The following CORO7 variants were observed in gnomAD, a reference collection of about 807,000 sequenced individuals.
CORO7 encodes coronin-7.
In CORO7, 107 loss-of-function variants were observed where a neutral mutation model predicts 126.6. The observed-to-expected ratio is 0.85, with a 90% CI of 0.72 to 0.99. The LOEUF (loss-of-function observed/expected upper bound fraction) is 0.99, where lower values mean the gene tolerates loss of function less well. Ranked by LOEUF, CORO7 falls within the 50% of genes least tolerant of loss-of-function variation. The pLI is 0.00. For missense variants in CORO7, 1,314 were observed against 1,255.8 expected (o/e 1.05, Z -0.70); for synonymous variants, 603 against 536.8 (o/e 1.12, Z -1.70).
chr16:4,373,368 G>A lies in CORO7; in HGVS notation c.786-7823C>T, dbSNP rs552819108. ...CACTGCCTGTCCCCACCCCGCCCCT[G>A]TCTCCTGCACGTTGGAACAGCTGTC... On this transcript the variant is annotated intron_variant, in intron 9 of 27. Coordinates refer to ENST00000251166, the MANE Select transcript of CORO7 (RefSeq NM_024535.5). Among the ~76,000 whole-genome samples, 503 of 152,226 alleles carry A rather than the reference G, an allele frequency of 3.3e-3. 2 individuals are homozygous for A. Among genetic ancestry groups the A allele is most frequent in the Middle Eastern group, 0.031 (9 of 294 alleles).
In CORO7 at chr16:4,362,296, A is replaced by T; in HGVS notation, c.1403-136T>A. On this transcript the variant is annotated intron_variant, in intron 15 of 27. Transcript: ENST00000251166. The surrounding 1 kb of genome is among the most constrained non-coding windows in gnomAD (Gnocchi z 5.3). Reference sequence around the variant, plus strand: ...TGGACCTAGGCCCAGGCCTTTGCTAATCCAGTGGATGCAACTCGCCCAGGA... The same window carrying T: ...TGGACCTAGGCCCAGGCCTTTGCTATTCCAGTGGATGCAACTCGCCCAGGA... 1 of 1,269,686 alleles carries T rather than the reference A, an allele frequency of 7.9e-7. No individual in the cohort carries two copies. Among genetic ancestry groups the T allele is most frequent in the Non-Finnish European group, 1.1e-6 (1 of 939,174 alleles). The allele number at this position is 1,269,686 out of a possible 1,614,324, so 78.7% of individuals were successfully genotyped here. A position where few individuals can be genotyped will look rare whatever the true frequency, so the allele number is the denominator to read the frequency against.
chr16:4,361,492 G>A (rs1485113544), intron 16 of CORO7, 23 bp from the exon 17 acceptor site: 7 of 1,609,220 alleles, frequency 4.3e-6, no homozygotes, highest in Non-Finnish European at 5.1e-6. Context: ...CCCCCACCCC[G>A]AGGCCCATCA....
At chr16:4,361,903 G>A (rs1432121209) in intron 16 of CORO7, 82 bp downstream of exon 16, 1 of 1,538,160 alleles carries the variant, frequency 6.5e-7, no homozygotes, top group Non-Finnish European at 8.8e-7. Context: ...TGCTCCCTGT[G>A]TTGTGTGGGT....
At position 4,358,495 on chromosome 16, in the gene CORO7, A is replaced by AG. The variant is rs1385397743; in HGVS notation, c.2341-13dup. 1 of 1,576,642 alleles carries AG rather than the reference A, an allele frequency of 6.3e-7. No individual in the cohort carries two copies. Among genetic ancestry groups the AG allele is most frequent in the African/African-American group, 1.4e-5 (1 of 74,028 alleles). On this transcript the variant is annotated splice_polypyrimidine_tract_variant and intron_variant, in intron 23 of 27. Coordinates refer to ENST00000251166, the MANE Select transcript of CORO7 (RefSeq NM_024535.5). ...AGGAGGACGAGGCCCTGGGGGAGCAAGGGAGTCGGAGCTGCCGCTGGGACC... is the reference window on the plus strand; with the variant it reads ...AGGAGGACGAGGCCCTGGGGGAGCAAGGGGAGTCGGAGCTGCCGCTGGGACC...
At chr16:4,383,542 C>A (rs1400805460) in intron 9 of CORO7, 1 of 166,892 alleles carries the variant, frequency 6.0e-6, no homozygotes, top group Non-Finnish European at 1.5e-5. Flanking sequence ...GGGCTCAGCC[C>A]CAGGGTAGAA....
intron 9 of CORO7, among the ~76,000 whole-genome samples, chr16:4,380,067 A>AG (rs1433646080): frequency 6.6e-6 from 1 of 151,068 alleles, no homozygotes; most frequent in Non-Finnish European, 1.5e-5. Context: ...CAAAAAAAAA[A>AG]AAAAAAAAGT....
In CORO7 at chr16:4,354,990, C is replaced by T; in HGVS notation, c.*168G>A. On this transcript the variant is annotated 3_prime_UTR_variant, in exon 28 of 28. Transcript: ENST00000251166. ...GAGACAGCAGAGGTGAAAACAGTCC[C>T]TGGGAACTGCCAGAGGCCCAGAGGA... is the stretch of plus-strand genomic sequence containing the variant. 1.5e-6 allele frequency: 1 copy of T among 665,914 alleles called. No individual in the cohort carries two copies. The highest frequency in any genetic ancestry group is 3.3e-5 in the South Asian group (1 of 30,044). 41.3% of individuals were successfully genotyped at this position (665,914 alleles called of 1,614,324 possible).
In CORO7 at chr16:4,416,359, C is replaced by T. The variant is rs920252621; in HGVS notation, c.60+100G>A. On this transcript the variant is annotated intron_variant, in intron 1 of 27. Transcript: ENST00000251166. ...CCCCGGGGATGGAGGTCTCGGGGTT[C>T]CAGACGGCCCTGGAGGGCACCCCTG... 4 of 1,375,384 alleles carry T rather than the reference C, an allele frequency of 2.9e-6. No individual in the cohort carries two copies. In the African/African-American group the frequency reaches 6.1e-5, roughly 21 times the overall value. The allele number at this position is 1,375,384 out of a possible 1,614,324, so 85.2% of individuals were successfully genotyped here.
rs577331784 is a variant in CORO7, at chr16:4,361,181, C to A, written c.1755G>T (p.Thr585=). Residue 585 remains threonine (T), a synonymous_variant, in exon 18 of 28, where the codon ACG becomes ACT. Coordinates refer to ENST00000251166, the MANE Select transcript of CORO7 (RefSeq NM_024535.5). ...CCTGACCTGTGAGCACAGTCTCTGG[C>A]GTGGTGAGCACCTCTTCCAGGCCCT... ...PAEGLEEVLT[T]PETVLTGHTE... 4 of 1,612,740 alleles carry A rather than the reference C, an allele frequency of 2.5e-6. No individual in the cohort carries two copies. Among genetic ancestry groups the A allele is most frequent in the Non-Finnish European group, 3.4e-6 (4 of 1,180,000 alleles).
At position 4,383,797 on chromosome 16, in the gene CORO7, G is replaced by A. The variant is rs138544925; in HGVS notation, c.785+4189C>T. Among the ~76,000 whole-genome samples, 289 of 152,372 alleles carry A rather than the reference G, an allele frequency of 1.9e-3. 2 individuals are homozygous for A. Among genetic ancestry groups the A allele is most frequent in the Admixed American group, 6.2e-3 (95 of 15,310 alleles). On this transcript the variant is annotated intron_variant, in intron 9 of 27. Coordinates refer to ENST00000251166, the MANE Select transcript of CORO7 (RefSeq NM_024535.5). Reference sequence around the variant, plus strand: ...TCTGCCAGCAGGGGCTCTGGCCCATGTGCGGCTGGGAGAGGCTTGTGGCAC... The same window carrying A: ...TCTGCCAGCAGGGGCTCTGGCCCATATGCGGCTGGGAGAGGCTTGTGGCAC...
intron 6 of CORO7, 68 bp from the exon 7 acceptor site, chr16:4,395,407 C>T (rs1019145362): frequency 6.2e-7 from 1 of 1,600,994 alleles, no homozygotes; most frequent in Non-Finnish European, 8.5e-7. Context: ...CCAGCCTGCT[C>T]CCCTCACCTC....
chr16:4,401,503 C>G (rs1160451502), intron 6 of CORO7, among the ~76,000 whole-genome samples: 1 of 152,184 alleles, frequency 6.6e-6, no homozygotes, highest in African/African-American at 2.4e-5. Flanking sequence ...CAGGGACTGG[C>G]TCTTAAAACT....
chr16:4,373,788 G>T (rs907841399), intron 9 of CORO7, among the ~76,000 whole-genome samples: 1 of 152,170 alleles, frequency 6.6e-6, no homozygotes, highest in Non-Finnish European at 1.5e-5. Context: ...GCCCTGCTGA[G>T]CCCAGGAGGG....
At chr16:4,410,677 T>C (rs1271648271) in intron 3 of CORO7, among the ~76,000 whole-genome samples, 3 of 152,184 alleles carry the variant, frequency 2.0e-5, no homozygotes, top group Non-Finnish European at 4.4e-5. Flanking sequence ...CCGTGTATTG[T>C]GCGATTCCAT....
In CORO7 at chr16:4,355,095, G is replaced by A. The variant is rs562662030; in HGVS notation, c.*63C>T. The A allele has an allele frequency of 1.3e-4, 185 of 1,433,636 alleles. No homozygotes were observed. The East Asian group carries it at 4.4e-3, about 34-fold the overall frequency. 88.8% of individuals were successfully genotyped at this position (1,433,636 alleles called of 1,614,324 possible). On this transcript the variant is annotated 3_prime_UTR_variant, in exon 28 of 28. Coordinates refer to ENST00000251166, the MANE Select transcript of CORO7 (RefSeq NM_024535.5). ...GAGAGGTATCTTCCAGCTTGAGGAT[G>A]AGCCGTGAGGTGTGCACTAGGAAGT...
chr16:4,414,401 C>T (rs2056332070), intron 1 of CORO7: 1 of 152,294 alleles, frequency 6.6e-6, no homozygotes, highest in Admixed American at 6.5e-5. Flanking sequence ...GCAAGGTCCA[C>T]ACATTTTCTC....
In CORO7 at chr16:4,412,231, C is replaced by A. The variant is rs530049899; in HGVS notation, c.232+125G>T. On this transcript the variant is annotated intron_variant, in intron 3 of 27. Transcript: ENST00000251166. ...GCCCCACTGTCTCTCAGAGAGTGCACAGACAGGGCGACAGGAGGGACCTGG... is the reference window on the plus strand; with the variant it reads ...GCCCCACTGTCTCTCAGAGAGTGCAAAGACAGGGCGACAGGAGGGACCTGG... The A allele has an allele frequency of 1.3e-4, 131 of 1,024,502 alleles. No individual in the cohort carries two copies. The East Asian group carries it at 2.9e-3, about 22-fold the overall frequency. The allele number at this position is 1,024,502 out of a possible 1,614,324, so 63.5% of individuals were successfully genotyped here. A position where few individuals can be genotyped will look rare whatever the true frequency, so the allele number is the denominator to read the frequency against.
chr16:4,395,634 G>C (rs956777638), intron 6 of CORO7, among the ~76,000 whole-genome samples: 5 of 152,094 alleles, frequency 3.3e-5, no homozygotes, highest in Non-Finnish European at 5.9e-5. Context: ...CCAGACACTC[G>C]ACCCCTCCTA....
At chr16:4,366,491 C>T (rs182842397) in intron 9 of CORO7, among the ~76,000 whole-genome samples, 10 of 151,672 alleles carry the variant, frequency 6.6e-5, no homozygotes, top group Non-Finnish European at 1.5e-4. Context: ...GACAGATGCC[C>T]AGATGCCCAG....
Sources: allele counts gnomAD v4.1 joint callset (sites outside exome capture counted in the v4.1 genomes callset), GRCh38; gene constraint gnomAD v4.1.1; non-coding constraint Gnocchi (gnomAD v3.1); transcripts MANE v1.5; gene names NCBI Gene and HGNC (gene_info 2026-07-23, HGNC 2026-07-21).